FANCC: variants seen among roughly 807,000 people sequenced by gnomAD.
FANCC encodes the protein Fanconi anemia group C protein.
A neutral mutation model predicts 71.3 loss-of-function variants in FANCC; 55 were observed. That is an observed-to-expected ratio of 0.77 (90% CI 0.62 to 0.97). The LOEUF (loss-of-function observed/expected upper bound fraction) is 0.97. FANCC is among the 50% of genes least tolerant of loss of function. The pLI is 0.00. For synonymous variants in FANCC, 275 were observed against 244.9 expected, an observed-to-expected ratio of 1.12 and a Z score of -1.15; for missense variants, 678 against 670.9, an observed-to-expected ratio of 1.01 and a Z score of -0.12.
intron 3 of FANCC, among the ~76,000 whole-genome samples, chr9:95,246,153 C>T (rs1830964511): frequency 6.6e-6 from 1 of 152,152 alleles, no homozygotes. Flanking sequence ...TAAGCGTGGT[C>T]CTGGTGGGCA....
At chr9:95,196,450 C>T (rs565000518) in intron 4 of FANCC, among the ~76,000 whole-genome samples, 1 of 152,152 alleles carries the variant, frequency 6.6e-6, no homozygotes, top group African/African-American at 2.4e-5. Context: ...ATATCTGGAG[C>T]CCCTATGTGT....
At chr9:95,141,311 C>CAAA (rs66627467) in intron 7 of FANCC, among the ~76,000 whole-genome samples, 18 of 54,860 alleles carry the variant, frequency 3.3e-4, no homozygotes, top group Non-Finnish European at 9.1e-5. Flanking sequence ...GACCCTGTCT[C>CAAA]AAAAAAAAAA....
Position 95,222,162 on chromosome 9 carries a change from C to CAA in FANCC, c.345+18485_345+18486dup, listed in dbSNP as rs60764731. 4.6e-3 allele frequency among the ~76,000 whole-genome samples: 323 copies of CAA among 70,440 alleles called. 4 individuals are homozygous for CAA. Among genetic ancestry groups the CAA allele is most frequent in the East Asian group, 0.042 (98 of 2,308 alleles). The allele number at this position is 70,440 out of a possible 152,430, so 46.2% of individuals were successfully genotyped here. ...TGAGCAGCAGAGCAAGGCCCCATCT[C>CAA]AAAAAAAAAAAAAAAAAAAAAAAAA... On this transcript the variant is annotated intron_variant, in intron 4 of 14. Coordinates refer to ENST00000289081, the MANE Select transcript of FANCC (RefSeq NM_000136.3).
chr9:95,283,143 C>G (rs977224975), intron 1 of FANCC, among the ~76,000 whole-genome samples: 2 of 152,184 alleles, frequency 1.3e-5, no homozygotes, highest in Non-Finnish European at 2.9e-5. Context: ...TGTGCAGTGG[C>G]ACAATCATAG....
chr9:95,120,464 G>A (rs1003348839), intron 10 of FANCC, among the ~76,000 whole-genome samples: 9 of 151,334 alleles, frequency 5.9e-5, no homozygotes, highest in African/African-American at 1.7e-4. Flanking sequence ...TTCCAGGCTG[G>A]AGTGCAGTGG....
intron 1 of FANCC, among the ~76,000 whole-genome samples, chr9:95,251,910 G>T (rs1376379083): frequency 2.0e-5 from 3 of 152,168 alleles, no homozygotes; most frequent in African/African-American, 7.2e-5. Flanking sequence ...GGAAGTAACT[G>T]CTAGTTAACA....
intron 13 of FANCC, chr9:95,110,992 G>GT (rs2071869663): frequency 2.1e-6 from 3 of 1,425,148 alleles, no homozygotes; most frequent in Admixed American, 2.9e-5. Flanking sequence ...AATAAAGCCA[G>GT]TAATGTGAGG....
intron 7 of FANCC, among the ~76,000 whole-genome samples, chr9:95,136,716 TCAAA>T (rs1337220662): frequency 3.3e-5 from 5 of 152,208 alleles, no homozygotes; most frequent in Admixed American, 6.5e-5. Flanking sequence ...ACTCCTGGCC[TCAAA>T]CAATCTTCCT....
chr9:95,152,368 T>C (rs534629859), intron 6 of FANCC, among the ~76,000 whole-genome samples: 1 of 152,278 alleles, frequency 6.6e-6, no homozygotes, highest in South Asian at 2.1e-4. Flanking sequence ...AAGAAGGTGA[T>C]ATGTGAGCAG....
At chr9:95,172,241 G>A in intron 4 of FANCC, 94 bp from the exon 5 acceptor site, 1 of 750,426 alleles carries the variant, frequency 1.3e-6, no homozygotes, top group Non-Finnish European at 2.2e-6. Flanking sequence ...ACATGGGGGT[G>A]GTCTCTATGA....
intron 12 of FANCC, 122 bp from the exon 13 acceptor site, chr9:95,111,759 C>T: frequency 9.2e-7 from 1 of 1,086,626 alleles, no homozygotes; most frequent in Non-Finnish European, 1.4e-6. Flanking sequence ...TGAAGTGCAA[C>T]CTGCAAGGAA....
Position 95,103,498 on chromosome 9 carries a change from C to G in FANCC, c.1534-1648G>C, listed in dbSNP as rs968479771. ...GGAGAAGTGTGAATCCAGGACAGGA[C>G]AGGAGGTGGAGCCCCAGGGGTGGAC... On this transcript the variant is annotated intron_variant, in intron 14 of 14. Transcript: ENST00000289081. Among the ~76,000 whole-genome samples, 26 of 152,286 alleles carry G rather than the reference C, an allele frequency of 1.7e-4. No individual in the cohort carries two copies. The South Asian group carries it at 5.4e-3, about 32-fold the overall frequency.
chr9:95,299,372 G>C (rs888767631), intron 1 of FANCC, among the ~76,000 whole-genome samples: 1 of 152,160 alleles, frequency 6.6e-6, no homozygotes, highest in African/African-American at 2.4e-5. Flanking sequence ...TTTACTAACA[G>C]TGACTCTATT....
At chr9:95,303,620 C>T (rs1834888090) in intron 1 of FANCC, among the ~76,000 whole-genome samples, 1 of 152,210 alleles carries the variant, frequency 6.6e-6, no homozygotes, top group South Asian at 2.1e-4. Flanking sequence ...TGTATGTAGG[C>T]AGCCACCTGT....
At chr9:95,181,365 TC>T (rs1428437682) in intron 4 of FANCC, among the ~76,000 whole-genome samples, 4 of 152,134 alleles carry the variant, frequency 2.6e-5, no homozygotes, top group Non-Finnish European at 4.4e-5. Flanking sequence ...CAAACTTTGG[TC>T]CTCTAAATTT....
chr9:95,184,890 C>T (rs113814512), intron 4 of FANCC, among the ~76,000 whole-genome samples: 2 of 152,186 alleles, frequency 1.3e-5, no homozygotes, highest in African/African-American at 2.4e-5. Context: ...CCTAAAGGTA[C>T]CAAGTACAGT....
chr9:95,296,269 T>G (rs1411955182), intron 1 of FANCC, among the ~76,000 whole-genome samples: 4 of 152,174 alleles, frequency 2.6e-5, no homozygotes, highest in Non-Finnish European at 5.9e-5. Context: ...GATCATGACC[T>G]AGACACACTA....
intron 4 of FANCC, among the ~76,000 whole-genome samples, chr9:95,216,824 G>GT (rs1200536008): frequency 2.0e-5 from 3 of 152,082 alleles, no homozygotes; most frequent in African/African-American, 7.2e-5. Context: ...TTGCTGTGCT[G>GT]TGATTATAAA....
At chr9:95,141,303 C>A (rs553628650) in intron 7 of FANCC, among the ~76,000 whole-genome samples, 4 of 97,756 alleles carry the variant, frequency 4.1e-5, no homozygotes, top group Non-Finnish European at 5.5e-5. Flanking sequence ...CAGAGTGAGA[C>A]CCTGTCTCAA....
Sources: allele counts gnomAD v4.1 joint callset (sites outside exome capture counted in the v4.1 genomes callset), GRCh38; gene constraint gnomAD v4.1.1; transcripts MANE v1.5; gene names NCBI Gene and HGNC (gene_info 2026-07-23, HGNC 2026-07-21).